Variants in SLC35D2 observed in about 807,000 individuals in gnomAD.
The protein encoded by SLC35D2 is solute carrier family 35 member D2.
SLC35D2 carries 43 observed loss-of-function variants against 41.8 expected under a neutral mutation model. The observed-to-expected ratio is 1.03, with a 90% CI of 0.81 to 1.33. The LOEUF (loss-of-function observed/expected upper bound fraction) is 1.33. Among genes scored for constraint, SLC35D2 ranks in the 40% most tolerant of loss-of-function variants. The pLI is 0.00. For synonymous variants in SLC35D2, 150 were observed against 163.9 expected (o/e 0.92, Z 0.65); for missense variants, 380 against 408.4 (o/e 0.93, Z 0.60).
At chr9:96,383,035 T>A (rs934412962) in intron 1 of SLC35D2, among the ~76,000 whole-genome samples, 2 of 152,212 alleles carry the variant, frequency 1.3e-5, no homozygotes, top group African/African-American at 2.4e-5. Flanking sequence ...TTCCAATTGT[T>A]TTCCCGAGTT....
intron 1 of SLC35D2, among the ~76,000 whole-genome samples, chr9:96,372,907 GTTTTTTTTT>G (rs111536756): frequency 1.5e-5 from 2 of 134,062 alleles, no homozygotes; most frequent in Admixed American, 7.6e-5. Context: ...TTGTTTTTTT[GTTTTTTTTT>G]TTTGAGACAG....
At chr9:96,324,004 C>T (rs780177959) in intron 10 of SLC35D2, 87 bp downstream of exon 10, 65 of 1,196,166 alleles carry the variant, frequency 5.4e-5, no homozygotes, top group Non-Finnish European at 7.9e-5. Context: ...CCACCACCAA[C>T]AACAAAATCA....
Position 96,324,080 on chromosome 9 carries a change from C to T in SLC35D2, c.831+11G>A. On this transcript the variant is annotated intron_variant, in intron 10 of 11. Coordinates refer to ENST00000253270, the MANE Select transcript of SLC35D2 (RefSeq NM_007001.3). Reference sequence around the variant, plus strand: ...ACTCAGTTGTTCCCTTCCAAGTTTCCATCCACTCACCTTGATGGCTCCAAC... The same window carrying T: ...ACTCAGTTGTTCCCTTCCAAGTTTCTATCCACTCACCTTGATGGCTCCAAC... 6.2e-7 allele frequency: 1 copy of T among 1,610,322 alleles called. No individual in the cohort carries two copies. The highest frequency in any genetic ancestry group is 8.5e-7 in the Non-Finnish European group (1 of 1,176,706).
chr9:96,372,429 T>TAA (rs71308272), intron 1 of SLC35D2, among the ~76,000 whole-genome samples: 2 of 152,008 alleles, frequency 1.3e-5, no homozygotes, highest in South Asian at 4.2e-4. Flanking sequence ...CATAAAACCA[T>TAA]AAAAAACATC....
At chr9:96,350,347 CTTTTTTTTTTTTT>C (rs57531044) in intron 6 of SLC35D2, among the ~76,000 whole-genome samples, 9 of 91,008 alleles carry the variant, frequency 9.9e-5, no homozygotes, top group South Asian at 7.2e-4. Flanking sequence ...ATTTTCTTTC[CTTTTTTTTTTTTT>C]TTTTTTTTTT....
chr9:96,370,479 A>C (rs1250959943), intron 1 of SLC35D2, among the ~76,000 whole-genome samples: 1 of 152,090 alleles, frequency 6.6e-6, no homozygotes, highest in African/African-American at 2.4e-5. Context: ...CAACATGGTG[A>C]AACTCCGTCT....
chr9:96,328,804 C>T (rs1365581529), intron 9 of SLC35D2, among the ~76,000 whole-genome samples: 1 of 152,166 alleles, frequency 6.6e-6, no homozygotes, highest in Non-Finnish European at 1.5e-5. Context: ...ACATCATTCT[C>T]TTATAATTCC....
At chr9:96,348,223 T>C (rs1390553225) in intron 6 of SLC35D2, among the ~76,000 whole-genome samples, 2 of 152,220 alleles carry the variant, frequency 1.3e-5, no homozygotes, top group Admixed American at 6.5e-5. Flanking sequence ...AGATGTATTT[T>C]AACTTTTTCT....
intron 1 of SLC35D2, among the ~76,000 whole-genome samples, chr9:96,377,625 C>T (rs114159946): frequency 0.013 from 1,980 of 152,302 alleles, 43 homozygotes; most frequent in African/African-American, 0.045. Context: ...CTTGTCTCCA[C>T]ATTGTTATTT....
At chr9:96,322,585 A>T (rs941525128) in intron 10 of SLC35D2, among the ~76,000 whole-genome samples, 3 of 152,166 alleles carry the variant, frequency 2.0e-5, no homozygotes, top group African/African-American at 7.2e-5. Context: ...TTATGGTATG[A>T]TAACAACAGA....
chr9:96,328,584 A>C (rs548729165), intron 9 of SLC35D2, among the ~76,000 whole-genome samples: 1 of 152,328 alleles, frequency 6.6e-6, no homozygotes, highest in South Asian at 2.1e-4. Flanking sequence ...GCCTCTGCTC[A>C]AAGCCTTCTT....
chr9:96,330,421 A>G (rs549357833), intron 9 of SLC35D2, among the ~76,000 whole-genome samples: 3 of 152,196 alleles, frequency 2.0e-5, no homozygotes, highest in Admixed American at 6.5e-5. Flanking sequence ...CTGCTTGTCA[A>G]TTGGCACCCA....
At chr9:96,367,483 G>C (rs549628888) in intron 2 of SLC35D2, among the ~76,000 whole-genome samples, 1 of 152,006 alleles carries the variant, frequency 6.6e-6, no homozygotes, top group East Asian at 2.0e-4. Flanking sequence ...CTGCCAAATG[G>C]GCGTAGTTTG....
downstream of SLC35D2, among the ~76,000 whole-genome samples, chr9:96,315,996 A>G (rs1270813878): frequency 1.3e-5 from 2 of 152,266 alleles, no homozygotes; most frequent in Non-Finnish European, 2.9e-5. Context: ...TGTGAAACCC[A>G]TAATGCAATA....
chr9:96,382,493 ACAC>A lies in SLC35D2; in HGVS notation c.158+981_158+983del, dbSNP rs1384421267. 1.8e-4 allele frequency among the ~76,000 whole-genome samples: 25 copies of A among 139,858 alleles called. No homozygotes were observed. In the South Asian group the frequency reaches 2.6e-3, roughly 14 times the overall value. 91.8% of individuals were successfully genotyped at this position (139,858 alleles called of 152,430 possible). On this transcript the variant is annotated intron_variant, in intron 1 of 11. Coordinates refer to ENST00000253270, the MANE Select transcript of SLC35D2 (RefSeq NM_007001.3). Reference sequence around the variant, plus strand: ...CACACACACACACACACACACACACACACTATATATATATATATATATATGCCT... The same window carrying A: ...CACACACACACACACACACACACACATATATATATATATATATATATGCCT...
chr9:96,320,276 G>A (rs903481321), downstream of SLC35D2, among the ~76,000 whole-genome samples: 3 of 152,218 alleles, frequency 2.0e-5, no homozygotes, highest in African/African-American at 7.2e-5. Context: ...CACTTTAGGA[G>A]GCCAAGGTGG....
chr9:96,343,483 A>C (rs1319465935), intron 8 of SLC35D2, among the ~76,000 whole-genome samples: 2 of 152,232 alleles, frequency 1.3e-5, no homozygotes, highest in Non-Finnish European at 2.9e-5. Context: ...TGGGTCCCTG[A>C]CAACTCATTG....
intron 1 of SLC35D2, among the ~76,000 whole-genome samples, chr9:96,378,381 T>C (rs371044875): frequency 1.3e-4 from 20 of 151,938 alleles, no homozygotes; most frequent in African/African-American, 4.4e-4. Context: ...TGAGCCGAGA[T>C]TGCATCACTG....
chr9:96,378,494 T>C (rs73538959), intron 1 of SLC35D2, among the ~76,000 whole-genome samples: 7,109 of 152,250 alleles, frequency 0.047, 205 homozygotes, highest in African/African-American at 0.08. Flanking sequence ...ACATATATAG[T>C]AAATAGTGAG....
Sources: gnomAD v4.1 joint callset for allele counts (sites outside exome capture counted in the v4.1 genomes callset) on GRCh38, gnomAD v4.1.1 for gene constraint, MANE v1.5 for transcripts, NCBI Gene and HGNC (gene_info 2026-07-23, HGNC 2026-07-21) for gene names.